The following PLEKHH2 variants were observed in gnomAD, a reference collection of about 807,000 sequenced individuals.
The protein encoded by PLEKHH2 is pleckstrin homology domain-containing family H member 2.
A neutral mutation model predicts 187.9 loss-of-function variants in PLEKHH2; 129 were observed. The observed-to-expected ratio is 0.69, with a 90% CI of 0.59 to 0.79. The LOEUF is 0.79. Ranked by LOEUF, PLEKHH2 falls within the 30% of genes least tolerant of loss-of-function variation. The pLI is 0.00. For synonymous variants in PLEKHH2, 686 were observed against 605.6 expected, an observed-to-expected ratio of 1.13 and a Z score of -1.95; for missense variants, 2,076 against 1,751.2, an observed-to-expected ratio of 1.19 and a Z score of -3.31.
rs1235490958 is a variant in PLEKHH2, at chr2:43,693,355, T to C, written c.336+692T>C. 2.0e-5 allele frequency among the ~76,000 whole-genome samples: 3 copies of C among 152,346 alleles called. No individual in the cohort carries two copies. In the South Asian group the frequency reaches 6.2e-4, roughly 32 times the overall value. ...TTGGAAATGTTTATAGAACATTACATTTTAAATATTTATATTTGATGCCAA... is the reference window on the plus strand; with the variant it reads ...TTGGAAATGTTTATAGAACATTACACTTTAAATATTTATATTTGATGCCAA... On this transcript the variant is annotated intron_variant, in intron 4 of 29. Coordinates refer to ENST00000282406, the MANE Select transcript of PLEKHH2 (RefSeq NM_172069.4).
chr2:43,687,243 G>A (rs527973460), intron 3 of PLEKHH2, among the ~76,000 whole-genome samples: 1 of 152,250 alleles, frequency 6.6e-6, no homozygotes, highest in South Asian at 2.1e-4. Flanking sequence ...AGAGCATGTG[G>A]TATTTAGTTT....
Position 43,748,348 on chromosome 2 carries a change from T to C in PLEKHH2, c.3653+2385T>C, listed in dbSNP as rs146014611. Among the ~76,000 whole-genome samples the C allele has an allele frequency of 2.5e-3, 377 of 152,354 alleles. 2 individuals carry two copies. Among genetic ancestry groups the C allele is most frequent in the African/African-American group, 8.8e-3 (366 of 41,588 alleles). On this transcript the variant is annotated intron_variant, in intron 24 of 29. Coordinates refer to ENST00000282406, the MANE Select transcript of PLEKHH2 (RefSeq NM_172069.4). Reference sequence around the variant, plus strand: ...AGGCTTCATCCCTGGAGGGACCTGTTTCCCTTGAGGGCAAACTTTATCAAG... The same window carrying C: ...AGGCTTCATCCCTGGAGGGACCTGTCTCCCTTGAGGGCAAACTTTATCAAG...
chr2:43,698,251 C>T (rs1231264934), intron 7 of PLEKHH2, among the ~76,000 whole-genome samples: 7 of 143,934 alleles, frequency 4.9e-5, no homozygotes, highest in African/African-American at 7.7e-5. Context: ...TTCTCTCTCT[C>T]TTTTTTTTTT....
At chr2:43,724,922 G>T (rs781466647) in intron 16 of PLEKHH2, among the ~76,000 whole-genome samples, 67 of 152,178 alleles carry the variant, frequency 4.4e-4, no homozygotes, top group Non-Finnish European at 8.7e-4. Context: ...TTGTTCTCAA[G>T]GACAAGGAGA....
rs567689099 is a variant in PLEKHH2, at chr2:43,637,775, G to A, written c.-4+396G>A. On this transcript the variant is annotated intron_variant, in intron 1 of 29. Transcript: ENST00000282406. The stretch of plus-strand genomic sequence containing the variant: ...GGACCCGCGCGGTCAGGGATGCCGC[G>A]CTCGCCTTAGGCTTCGGGAGATCCA... Among the ~76,000 whole-genome samples the A allele has an allele frequency of 5.9e-5, 9 of 152,286 alleles. No individual in the cohort carries two copies. In the East Asian group the frequency reaches 1.7e-3, roughly 30 times the overall value.
At chr2:43,733,777 TG>T (rs1331721899) in intron 19 of PLEKHH2, among the ~76,000 whole-genome samples, 1 of 152,170 alleles carries the variant, frequency 6.6e-6, no homozygotes, top group Non-Finnish European at 1.5e-5. Context: ...CACTGGGTGA[TG>T]GGTACATGGG....
chr2:43,674,449 A>G (rs984920666), intron 2 of PLEKHH2, among the ~76,000 whole-genome samples: 2 of 152,200 alleles, frequency 1.3e-5, no homozygotes. Flanking sequence ...TGGTTTAGGG[A>G]ATATTCTAGA....
chr2:43,681,384 GGTTCTT>G, intron 3 of PLEKHH2: 1 of 1,517,162 alleles, frequency 6.6e-7, no homozygotes, highest in South Asian at 1.2e-5. Context: ...GCTACTGGAA[GGTTCTT>G]GTCGACTTTG....
Position 43,707,497 on chromosome 2 carries a change from G to C in PLEKHH2, c.1918G>C (p.Asp640His). The change falls in exon 11 of 30, where the codon GAC (aspartate) becomes CAC (histidine). Residue 640 changes from aspartate (D) to histidine (H), a missense_variant. Coordinates refer to ENST00000282406, the MANE Select transcript of PLEKHH2 (RefSeq NM_172069.4). ...SRSSSRTSES[D>H]SRSRSGPGSP... Reference sequence around the variant, plus strand: ...ATCCAGCTCCCGGACGTCAGAGTCAGACTCACGCAGTAGGAGTGGGCCAGG... The same window carrying C: ...ATCCAGCTCCCGGACGTCAGAGTCACACTCACGCAGTAGGAGTGGGCCAGG... The C allele has an allele frequency of 6.2e-7, 1 of 1,614,188 alleles. No individual in the cohort carries two copies. The highest frequency in any genetic ancestry group is 2.2e-5 in the East Asian group (1 of 44,880).
chr2:43,684,051 C>G (rs7575475), intron 3 of PLEKHH2, among the ~76,000 whole-genome samples: 3,257 of 152,252 alleles, frequency 0.021, 130 homozygotes, highest in African/African-American at 0.074. Context: ...CATTGTTACC[C>G]AAATCCCATA....
chr2:43,658,888 T>G (rs1199226212), intron 2 of PLEKHH2: 4 of 152,192 alleles, frequency 2.6e-5, no homozygotes, highest in African/African-American at 9.7e-5. Context: ...TTGCGAGACA[T>G]TTAGAGGCTG....
chr2:43,767,521 C>A lies in PLEKHH2; in HGVS notation c.*1923C>A, dbSNP rs1452220901. The stretch of plus-strand genomic sequence containing the variant: ...TTTGTTTTTGAGAATAAACTGGTAA[C>A]CAGTTTGTGATGACTCTCAGAAGCC... On this transcript the variant is annotated 3_prime_UTR_variant, in exon 30 of 30. Transcript: ENST00000282406. 4 of 152,414 alleles carry A rather than the reference C, an allele frequency of 2.6e-5. No homozygotes were observed. In the South Asian group the frequency reaches 6.2e-4, roughly 24 times the overall value. 9.4% of individuals were successfully genotyped at this position (152,414 alleles called of 1,614,324 possible). A position where few individuals can be genotyped will look rare whatever the true frequency, so the allele number is the denominator to read the frequency against.
intron 16 of PLEKHH2, among the ~76,000 whole-genome samples, chr2:43,725,839 G>A (rs541466937): frequency 2.0e-5 from 3 of 152,186 alleles, no homozygotes; most frequent in East Asian, 1.9e-4. Context: ...ATACTGATGC[G>A]GTGGCTCACG....
rs745944932 is a variant in PLEKHH2, at chr2:43,745,963, GGTGTGTAATACT to G, written c.3653+2_3653+13del. On this transcript the variant is annotated splice_donor_variant and splice_donor_5th_base_variant and intron_variant, in intron 24 of 29. Coordinates refer to ENST00000282406, the MANE Select transcript of PLEKHH2 (RefSeq NM_172069.4). LOFTEE classifies it high-confidence loss of function. ...ACTGTTCGTCTGACATACAAAAACA[GGTGTGTAATACT>G]GCATCCAGATGCCAAAGTATGAGTA... 6.3e-7 allele frequency: 1 copy of G among 1,597,846 alleles called. No homozygotes were observed. Among genetic ancestry groups the G allele is most frequent in the East Asian group, 2.2e-5 (1 of 44,728 alleles).
At chr2:43,675,970 A>T in intron 2 of PLEKHH2, 1 of 1,613,960 alleles carries the variant, frequency 6.2e-7, no homozygotes, top group Non-Finnish European at 8.5e-7. Context: ...CCTCATCTGT[A>T]CCCACCTGTC....
chr2:43,653,614 A>G (rs565092180), intron 2 of PLEKHH2, among the ~76,000 whole-genome samples: 1 of 152,332 alleles, frequency 6.6e-6, no homozygotes, highest in African/African-American at 2.4e-5. Context: ...GAGAAAGTTG[A>G]GGGGTCTCCC....
intron 3 of PLEKHH2, chr2:43,679,652 T>C (rs1357845858): frequency 5.2e-5 from 12 of 229,172 alleles, no homozygotes; most frequent in South Asian, 4.4e-4. Flanking sequence ...CGCACCACCA[T>C]ACCCGGCTAA....
intron 2 of PLEKHH2, among the ~76,000 whole-genome samples, chr2:43,655,294 A>G (rs973705910): frequency 3.3e-5 from 5 of 149,828 alleles, no homozygotes; most frequent in African/African-American, 1.3e-4. Context: ...AAAAACAACA[A>G]AAAAATATCT....
At chr2:43,727,421 A>AAAAAAAAAAAG (rs1670814336) in intron 17 of PLEKHH2, among the ~76,000 whole-genome samples, 2 of 150,416 alleles carry the variant, frequency 1.3e-5, no homozygotes, top group Non-Finnish European at 1.5e-5. Flanking sequence ...AAAAAAAAAA[A>AAAAAAAAAAAG]GAACAAAAAC....
Sources: gnomAD v4.1 joint callset for allele counts (sites outside exome capture counted in the v4.1 genomes callset) on GRCh38, gnomAD v4.1.1 for gene constraint, MANE v1.5 for transcripts, NCBI Gene and HGNC (gene_info 2026-07-23, HGNC 2026-07-21) for gene names.